The following STAU2 variants were observed in gnomAD, a reference collection of about 807,000 sequenced individuals.
The protein encoded by STAU2 is staufen double-stranded RNA binding protein 2, also known as double-stranded RNA-binding protein Staufen homolog 2.
A neutral mutation model predicts 65.9 loss-of-function variants in STAU2; 20 were observed. The observed-to-expected ratio is 0.30, with a 90% CI of 0.21 to 0.44. The LOEUF (loss-of-function observed/expected upper bound fraction) is 0.44, where lower values mean the gene tolerates loss of function less well. Among genes scored for constraint, STAU2 ranks in the 20% least tolerant of loss-of-function variants. The pLI is 1.00. For synonymous variants in STAU2, 232 were observed against 233.9 expected (o/e 0.99, Z 0.07); for missense variants, 558 against 683.9 (o/e 0.82, Z 2.05).
chr8:73,477,664 G>T (rs1820388288), intron 13 of STAU2, among the ~76,000 whole-genome samples: 1 of 152,144 alleles, frequency 6.6e-6, no homozygotes, highest in African/African-American at 2.4e-5. Flanking sequence ...CTGAGGGCAG[G>T]GCCAGTAGAC....
intron 13 of STAU2, among the ~76,000 whole-genome samples, chr8:73,482,192 C>A (rs1158653739): frequency 7.0e-6 from 1 of 143,338 alleles, no homozygotes; most frequent in East Asian, 2.1e-4. Context: ...AGAGCACTGG[C>A]CTGTGATCGC....
At chr8:73,605,412 G>A (rs887942488) in intron 9 of STAU2, among the ~76,000 whole-genome samples, 3 of 149,848 alleles carry the variant, frequency 2.0e-5, no homozygotes, top group South Asian at 2.1e-4. Context: ...GGGTTCAAGC[G>A]ATTCTCTTGC....
In STAU2 at chr8:73,659,992, T is replaced by C. The variant is rs544416421; in HGVS notation, c.410+13115A>G. Among the ~76,000 whole-genome samples, 19 of 152,276 alleles carry C rather than the reference T, an allele frequency of 1.2e-4. No individual in the cohort carries two copies. The South Asian group carries it at 3.9e-3, about 32-fold the overall frequency. ...TTTGTAGAGAATAATGCTTAAACTT[T>C]TAGCATAAAGAACTCAAAAAGGATT... On this transcript the variant is annotated intron_variant, in intron 6 of 14. Coordinates refer to ENST00000524300, the MANE Select transcript of STAU2 (RefSeq NM_001164380.2).
chr8:73,710,354 A>G (rs1820804094), intron 3 of STAU2, among the ~76,000 whole-genome samples: 1 of 148,404 alleles, frequency 6.7e-6, no homozygotes, highest in African/African-American at 2.5e-5. Context: ...CCTCCCAAGT[A>G]GCTGAATTAC....
intron 4 of STAU2, among the ~76,000 whole-genome samples, chr8:73,703,107 G>A (rs983326292): frequency 1.3e-5 from 2 of 152,148 alleles, no homozygotes; most frequent in South Asian, 2.1e-4. Context: ...GTTTGGATCC[G>A]TGTCCCCACC....
chr8:73,672,307 C>G (rs1817740123), intron 6 of STAU2: 1 of 152,050 alleles, frequency 6.6e-6, no homozygotes, highest in Non-Finnish European at 1.5e-5. Flanking sequence ...AAAAACTAGT[C>G]TATGATAATA....
chr8:73,624,246 T>C lies in STAU2; in HGVS notation c.411-6795A>G, dbSNP rs1813478493. ...TAAACTAGTGGAATGATTTATGGAA[T>C]ACAGAACACAAATCAAGAGAATAAG... is the stretch of plus-strand genomic sequence containing the variant. On this transcript the variant is annotated intron_variant, in intron 6 of 14. Transcript: ENST00000524300. Among the ~76,000 whole-genome samples, 3 of 152,314 alleles carry C rather than the reference T, an allele frequency of 2.0e-5. No homozygotes were observed. In the South Asian group the frequency reaches 6.2e-4, roughly 32 times the overall value.
chr8:73,686,567 T>C (rs79206544), intron 5 of STAU2, among the ~76,000 whole-genome samples: 30,020 of 144,724 alleles, frequency 0.21, 3,478 homozygotes, highest in East Asian at 0.37. Context: ...AAAAAAACAA[T>C]GGATTTTGGG....
chr8:73,668,607 T>C (rs555348623), intron 6 of STAU2, among the ~76,000 whole-genome samples: 95 of 152,346 alleles, frequency 6.2e-4, no homozygotes, highest in African/African-American at 1.9e-3. Flanking sequence ...AGCTTTACCT[T>C]GTACTTTGTC....
At chr8:73,612,566 A>G (rs1486367475) in intron 9 of STAU2, among the ~76,000 whole-genome samples, 12 of 152,226 alleles carry the variant, frequency 7.9e-5, no homozygotes, top group Non-Finnish European at 1.8e-4. Flanking sequence ...TACCTTACAT[A>G]TAACATATAA....
chr8:73,707,387 C>A (rs1820584764), intron 4 of STAU2, among the ~76,000 whole-genome samples: 1 of 151,994 alleles, frequency 6.6e-6, no homozygotes, highest in Admixed American at 6.6e-5. Context: ...ATGATAAGGT[C>A]AAGAATGTGA....
chr8:73,653,743 C>T (rs898714592), intron 6 of STAU2: 24 of 191,908 alleles, frequency 1.3e-4, no homozygotes, highest in Non-Finnish European at 2.6e-4. Context: ...GCCTGATGTT[C>T]AGTCAGTGTT....
chr8:73,631,983 C>T (rs1005975023), intron 6 of STAU2, among the ~76,000 whole-genome samples: 6 of 123,356 alleles, frequency 4.9e-5, no homozygotes, highest in South Asian at 2.8e-4. Context: ...GGGATAAGGA[C>T]GAGGCAAGAA....
intron 12 of STAU2, among the ~76,000 whole-genome samples, chr8:73,553,381 A>G (rs1214462763): frequency 6.6e-6 from 1 of 152,184 alleles, no homozygotes; most frequent in Non-Finnish European, 1.5e-5. Context: ...CTCAGTGTCC[A>G]TTTCCCAAAA....
intron 1 of STAU2, among the ~76,000 whole-genome samples, chr8:73,743,445 A>G (rs1237801562): frequency 1.3e-5 from 2 of 151,146 alleles, no homozygotes; most frequent in African/African-American, 4.9e-5. Context: ...ACCAAATTAA[A>G]AAAGACTTGC....
chr8:73,567,586 T>C (rs1251405876), intron 12 of STAU2, among the ~76,000 whole-genome samples: 1 of 151,898 alleles, frequency 6.6e-6, no homozygotes, highest in Non-Finnish European at 1.5e-5. Flanking sequence ...TCTCACTCAT[T>C]CTGTGGTCCA....
intron 11 of STAU2, among the ~76,000 whole-genome samples, chr8:73,589,335 C>T (rs1246092660): frequency 2.6e-5 from 4 of 152,128 alleles, no homozygotes; most frequent in African/African-American, 7.2e-5. Context: ...TTATGAGATA[C>T]CCAAAACTGC....
chr8:73,563,197 C>A (rs547546384), intron 12 of STAU2, among the ~76,000 whole-genome samples: 1 of 152,144 alleles, frequency 6.6e-6, no homozygotes, highest in African/African-American at 2.4e-5. Flanking sequence ...CCCAACTTCC[C>A]TGATGTGGTA....
intron 13 of STAU2, among the ~76,000 whole-genome samples, chr8:73,447,989 A>G (rs1427809608): frequency 3.3e-5 from 5 of 152,132 alleles, no homozygotes; most frequent in Non-Finnish European, 7.4e-5. Context: ...TTTTTAGCCA[A>G]CATCTTCCAA....
Sources: gnomAD v4.1 joint callset for allele counts (sites outside exome capture counted in the v4.1 genomes callset) on GRCh38, gnomAD v4.1.1 for gene constraint, MANE v1.5 for transcripts, NCBI Gene and HGNC (gene_info 2026-07-23, HGNC 2026-07-21) for gene names.